SOS1: variants seen among roughly 807,000 people sequenced by gnomAD.
SOS1 encodes son of sevenless homolog 1.
SOS1 carries 25 observed loss-of-function variants against 157.6 expected under a neutral mutation model. The ratio of observed to expected loss-of-function variants is 0.16; its 90% CI spans 0.12 to 0.22. SOS1 has a LOEUF of 0.22. SOS1 is among the 10% of genes least tolerant of loss of function. The probability of loss-of-function intolerance (pLI) is 1.00; values close to 1 mark genes in which losing one functional copy is unlikely to be tolerated. For synonymous variants in SOS1, 528 were observed against 534.0 expected, an observed-to-expected ratio of 0.99 and a Z score of 0.16; for missense variants, 1,237 against 1,599.1, an observed-to-expected ratio of 0.77 and a Z score of 3.86.
rs1478503338 is a variant in SOS1, at chr2:38,983,361, A to AATC, written c.*2460_*2462dup. Reference sequence around the variant, plus strand: ...AAGGGCATCCAATTGGCATTTTTCTAATCAGTTACCACTGCAGAAAATATT... The same window carrying AATC: ...AAGGGCATCCAATTGGCATTTTTCTAATCATCAGTTACCACTGCAGAAAATATT... On this transcript the variant is annotated 3_prime_UTR_variant, in exon 23 of 23. Coordinates refer to ENST00000402219, the MANE Select transcript of SOS1 (RefSeq NM_005633.4). The AATC allele has an allele frequency of 6.6e-6, 1 of 152,184 alleles. No homozygotes were observed. The highest frequency in any genetic ancestry group is 2.4e-5 in the African/African-American group (1 of 41,460). The allele number at this position is 152,184 out of a possible 1,614,324, so 9.4% of individuals were successfully genotyped here. A position where few individuals can be genotyped will look rare whatever the true frequency, so the allele number is the denominator to read the frequency against.
At chr2:39,045,126 A>G (rs1413983224) in intron 6 of SOS1, among the ~76,000 whole-genome samples, 1 of 152,164 alleles carries the variant, frequency 6.6e-6, no homozygotes, top group Non-Finnish European at 1.5e-5. Flanking sequence ...GTTAGTACAG[A>G]TACAATTATG....
chr2:38,989,640 T>C (rs1668666517), intron 20 of SOS1, among the ~76,000 whole-genome samples: 2 of 152,236 alleles, frequency 1.3e-5, no homozygotes, highest in South Asian at 2.1e-4. Context: ...TATATAAATA[T>C]GCCATTTAGT....
intron 10 of SOS1, 80 bp downstream of exon 10, chr2:39,022,490 A>T: frequency 9.4e-7 from 1 of 1,065,580 alleles, no homozygotes; most frequent in Non-Finnish European, 1.5e-6. Context: ...TTTCTATTTT[A>T]GGCACAATAA....
chr2:39,105,150 G>A (rs1357967019), intron 1 of SOS1, among the ~76,000 whole-genome samples: 3 of 152,050 alleles, frequency 2.0e-5, no homozygotes, highest in Admixed American at 6.5e-5. Context: ...TTACTGAGCC[G>A]TACACAGAAA....
At chr2:39,083,205 C>G (rs1672267488) in intron 1 of SOS1, among the ~76,000 whole-genome samples, 1 of 152,094 alleles carries the variant, frequency 6.6e-6, no homozygotes, top group African/African-American at 2.4e-5. Flanking sequence ...GGATGATTAA[C>G]TTTCACACAG....
At chr2:39,088,004 A>G (rs1465478690) in intron 1 of SOS1, among the ~76,000 whole-genome samples, 1 of 151,318 alleles carries the variant, frequency 6.6e-6, no homozygotes, top group Non-Finnish European at 1.5e-5. Context: ...AGAATGCTAA[A>G]TAATTATTAG....
At position 39,120,504 on chromosome 2, in the gene SOS1, C is replaced by G; in HGVS notation, c.-82G>C. The G allele has an allele frequency of 8.1e-7, 1 of 1,235,532 alleles. No individual in the cohort carries two copies. Among genetic ancestry groups the G allele is most frequent in the Non-Finnish European group, 1.0e-6 (1 of 987,476 alleles). 76.5% of individuals were successfully genotyped at this position (1,235,532 alleles called of 1,614,324 possible). A position where few individuals can be genotyped will look rare whatever the true frequency, so the allele number is the denominator to read the frequency against. On this transcript the variant is annotated 5_prime_UTR_variant, in exon 1 of 23. Coordinates refer to ENST00000402219, the MANE Select transcript of SOS1 (RefSeq NM_005633.4). The stretch of plus-strand genomic sequence containing the variant: ...GCCGCGAGAGGGCGAGCTCGCAGCG[C>G]GGAACAGGGCCGCGGCCCCACCGGA...
chr2:39,115,042 C>T (rs1188367374), intron 1 of SOS1, among the ~76,000 whole-genome samples: 6 of 152,166 alleles, frequency 3.9e-5, no homozygotes, highest in Non-Finnish European at 7.3e-5. Context: ...TCCCTTCCCC[C>T]ACTTCTTATG....
In SOS1 at chr2:39,035,323, G is replaced by A. The variant is rs1242846258; in HGVS notation, c.976-13C>T. The stretch of plus-strand genomic sequence containing the variant: ...CTTCGCCTATTGACTGGAAAAAAAA[G>A]TGATTTAATTTTTTTTTTAAGTTTA... On this transcript the variant is annotated splice_polypyrimidine_tract_variant and intron_variant, in intron 7 of 22. Transcript: ENST00000402219. 2 of 1,608,410 alleles carry A rather than the reference G, an allele frequency of 1.2e-6. No individual in the cohort carries two copies. Among genetic ancestry groups the A allele is most frequent in the East Asian group, 2.2e-5 (1 of 44,838 alleles).
chr2:39,105,896 T>C (rs532080464), intron 1 of SOS1, among the ~76,000 whole-genome samples: 1 of 151,470 alleles, frequency 6.6e-6, no homozygotes, highest in African/African-American at 2.4e-5. Context: ...TGAGACTCTG[T>C]CTCAAAAAGA....
chr2:39,086,658 G>A (rs953911523), intron 1 of SOS1, among the ~76,000 whole-genome samples: 2 of 152,168 alleles, frequency 1.3e-5, no homozygotes, highest in African/African-American at 2.4e-5. Context: ...AGGAAAATTA[G>A]TGTAAAACAG....
intron 1 of SOS1, among the ~76,000 whole-genome samples, chr2:39,084,827 TA>T (rs1265826625): frequency 6.6e-6 from 1 of 152,092 alleles, no homozygotes; most frequent in Admixed American, 6.5e-5. Flanking sequence ...TTTTTAAAAA[TA>T]TTACTATGTG....
At chr2:39,014,869 T>C (rs377233309) in intron 10 of SOS1, 23 bp from the exon 11 acceptor site, 3 of 1,209,080 alleles carry the variant, frequency 2.5e-6, no homozygotes, top group South Asian at 2.4e-5. Flanking sequence ...AGGAAAAATA[T>C]CTTATTAAAC....
At chr2:39,023,832 T>C (rs1249397666) in intron 9 of SOS1, 178 bp downstream of exon 9, 2 of 584,628 alleles carry the variant, frequency 3.4e-6, no homozygotes, top group Non-Finnish European at 6.0e-6. Context: ...TGCACAAATA[T>C]GAAAGGTTTT....
Position 39,120,593 on chromosome 2 carries a change from G to T in SOS1, c.-171C>A. 1 of 742,240 alleles carries T rather than the reference G, an allele frequency of 1.3e-6. No homozygotes were observed. 46.0% of individuals were successfully genotyped at this position (742,240 alleles called of 1,614,324 possible). ...CCCTGGCGAGGGGGCTGGGGGGCGA[G>T]GCCCGCGCCTGGCCACCCACCCGAC... On this transcript the variant is annotated 5_prime_UTR_variant, in exon 1 of 23. Transcript: ENST00000402219.
intron 2 of SOS1, among the ~76,000 whole-genome samples, chr2:39,061,651 G>A (rs1671409433): frequency 6.6e-6 from 1 of 152,194 alleles, no homozygotes; most frequent in African/African-American, 2.4e-5. Flanking sequence ...GCCTCCCAAA[G>A]TGCTGGGATT....
At chr2:39,067,151 C>T (rs1671614979) in intron 2 of SOS1, among the ~76,000 whole-genome samples, 1 of 152,132 alleles carries the variant, frequency 6.6e-6, no homozygotes, top group Non-Finnish European at 1.5e-5. Context: ...GCTGGGACTA[C>T]AGGCACATGC....
chr2:39,065,695 T>C (rs970400643), intron 2 of SOS1, among the ~76,000 whole-genome samples: 2 of 152,204 alleles, frequency 1.3e-5, no homozygotes, highest in Non-Finnish European at 2.9e-5. Flanking sequence ...AGCTAGACTT[T>C]CTGGTTAAAA....
intron 4 of SOS1, among the ~76,000 whole-genome samples, chr2:39,055,427 G>A (rs1235191144): frequency 6.6e-6 from 1 of 151,892 alleles, no homozygotes; most frequent in African/African-American, 2.4e-5. Flanking sequence ...CTGGAGCCTT[G>A]TTTTATATAT....
Sources: gnomAD v4.1 joint callset for allele counts (sites outside exome capture counted in the v4.1 genomes callset) on GRCh38, gnomAD v4.1.1 for gene constraint, MANE v1.5 for transcripts, NCBI Gene and HGNC (gene_info 2026-07-23, HGNC 2026-07-21) for gene names.